ABL1: variants seen among roughly 807,000 people sequenced by gnomAD.
The protein encoded by ABL1 is ABL proto-oncogene 1, non-receptor tyrosine kinase.
Under a neutral mutation model 94.7 loss-of-function variants are expected in ABL1, and 11 were observed. That is an observed-to-expected ratio of 0.12 (90% CI 0.07 to 0.19). ABL1 has a LOEUF of 0.19. Ranked by LOEUF, ABL1 falls within the 10% of genes least tolerant of loss-of-function variation. ABL1 has a pLI of 1.00. For synonymous variants in ABL1, 656 were observed against 622.4 expected (o/e 1.05, Z -0.80); for missense variants, 1,082 against 1,489.4 (o/e 0.73, Z 4.50).
chr9:130,851,745 T>G (rs1302106272), intron 1 of ABL1, among the ~76,000 whole-genome samples: 1 of 150,980 alleles, frequency 6.6e-6, no homozygotes, highest in Non-Finnish European at 1.5e-5. Flanking sequence ...TCTTTTCAAA[T>G]TAGAATTTTC....
chr9:130,852,657 C>A (rs1160788300), intron 1 of ABL1, among the ~76,000 whole-genome samples: 15 of 152,014 alleles, frequency 9.9e-5, no homozygotes, highest in Admixed American at 9.8e-4. Flanking sequence ...CAAAGAAATT[C>A]TGGAGCGTTT....
chr9:130,802,473 T>C lies in ABL1; in HGVS notation c.137-51591T>C, dbSNP rs1454340403. Reference sequence around the variant, plus strand: ...GAAATGCACATACTGTCCTTTTCTTTGTCCATTCAGCTGAGTATATCCAGT... The same window carrying C: ...GAAATGCACATACTGTCCTTTTCTTCGTCCATTCAGCTGAGTATATCCAGT... On this transcript the variant is annotated intron_variant, in intron 1 of 10. Coordinates refer to the ABL1 transcript ENST00000372348. Among the ~76,000 whole-genome samples, 3 of 152,232 alleles carry C rather than the reference T, an allele frequency of 2.0e-5. No homozygotes were observed. In the East Asian group the frequency reaches 5.8e-4, roughly 29 times the overall value.
At chr9:130,870,747 T>C (rs1831238701) in intron 4 of ABL1, among the ~76,000 whole-genome samples, 1 of 152,182 alleles carries the variant, frequency 6.6e-6, no homozygotes, top group Admixed American at 6.5e-5. Flanking sequence ...TAATTGACAT[T>C]AAGAGCAGCT....
At chr9:130,787,884 G>C (rs539043683) in intron 1 of ABL1, among the ~76,000 whole-genome samples, 1 of 152,290 alleles carries the variant, frequency 6.6e-6, no homozygotes, top group South Asian at 2.1e-4. Flanking sequence ...GGAGGGATTT[G>C]TCACTGATTA....
At position 130,793,181 on chromosome 9, in the gene ABL1, C is replaced by A. The variant is rs569161436; in HGVS notation, c.137-60883C>A. On this transcript the variant is annotated intron_variant, in intron 1 of 10. Coordinates refer to the ABL1 transcript ENST00000372348. The stretch of plus-strand genomic sequence containing the variant: ...CCTCAGGTGATCTGCCCGCCTCAGT[C>A]TCCCAAAGTGCTGGGATTATAGGCA... 4.6e-4 allele frequency among the ~76,000 whole-genome samples: 70 copies of A among 152,332 alleles called. 1 individual carries two copies. Among genetic ancestry groups the A allele is most frequent in the African/African-American group, 1.6e-3 (67 of 41,566 alleles).
chr9:130,854,600 A>G (rs548654977), intron 2 of ABL1, among the ~76,000 whole-genome samples: 36 of 152,338 alleles, frequency 2.4e-4, no homozygotes, highest in African/African-American at 8.4e-4. Context: ...ACACTTACCT[A>G]TCTGTTCAGT....
At position 130,780,950 on chromosome 9, in the gene ABL1, T is replaced by A. The variant is rs182045111; in HGVS notation, c.136+66495T>A. ...AGTGTTCCCATCTCCTGCCTGGTTC[T>A]AGCGACTCTGCAAATGGGTGCCTGA... On this transcript the variant is annotated intron_variant, in intron 1 of 10. Coordinates refer to the ABL1 transcript ENST00000372348. 4.0e-4 allele frequency among the ~76,000 whole-genome samples: 61 copies of A among 152,354 alleles called. No individual in the cohort carries two copies. In the East Asian group the frequency reaches 9.1e-3, roughly 23 times the overall value.
chr9:130,753,842 T>TA, intron 1 of ABL1, among the ~76,000 whole-genome samples: 1 of 152,146 alleles, frequency 6.6e-6, no homozygotes, highest in Non-Finnish European at 1.5e-5. Context: ...GAATAATGAG[T>TA]AAAGAAACTG....
rs2133022420 is a variant in ABL1 at position 130,880,104 on chromosome 9, C to T, written c.1460C>T (p.Ala487Val). The T allele has an allele frequency of 6.2e-7, 1 of 1,614,204 alleles. No individual in the cohort carries two copies. The highest frequency in any genetic ancestry group is 8.5e-7 in the Non-Finnish European group (1 of 1,180,038). ...QWNPSDRPSFAEIHQAFETMF... is the reference protein window; with the variant it reads ...QWNPSDRPSFVEIHQAFETMF... Reference sequence around the variant, plus strand: ...AATCCCTCTGACCGGCCCTCCTTTGCTGAAATCCACCAAGCCTTTGAAACA... The same window carrying T: ...AATCCCTCTGACCGGCCCTCCTTTGTTGAAATCCACCAAGCCTTTGAAACA... The change falls in exon 9 of 11, where the codon GCT (alanine) becomes GTT (valine). Residue 487 changes from alanine (A) to valine (V), a missense_variant. Physicochemically the swap from Ala to Val is moderately conservative, Grantham distance 64. Around this residue, in one of 7 missense-constraint regions of ABL1, gnomAD observed 76 missense variants for 177.1 expected, o/e 0.43. Coordinates refer to ENST00000318560, the MANE Select transcript of ABL1 (RefSeq NM_005157.6). This position sits in a 1 kb window ranked among gnomAD's most constrained non-coding sequence, Gnocchi z 4.4.
chr9:130,812,797 A>G (rs969613227), intron 1 of ABL1, among the ~76,000 whole-genome samples: 3 of 152,248 alleles, frequency 2.0e-5, no homozygotes, highest in African/African-American at 7.2e-5. Flanking sequence ...TGGACAATAT[A>G]ATCAACTGAC....
At chr9:130,785,803 A>G (rs34182341) in intron 1 of ABL1, among the ~76,000 whole-genome samples, 1 of 151,774 alleles carries the variant, frequency 6.6e-6, no homozygotes, top group East Asian at 1.9e-4. Flanking sequence ...CATGCCTGTA[A>G]TCCCACCTAC....
At chr9:130,721,575 T>C (rs1192652923) in intron 1 of ABL1, among the ~76,000 whole-genome samples, 4 of 152,030 alleles carry the variant, frequency 2.6e-5, no homozygotes, top group Non-Finnish European at 5.9e-5. Flanking sequence ...CTGGGCGTGG[T>C]GGTACACGCC....
chr9:130,811,007 T>C (rs112409443), intron 1 of ABL1, among the ~76,000 whole-genome samples: 2 of 152,196 alleles, frequency 1.3e-5, no homozygotes, highest in African/African-American at 4.8e-5. Context: ...AACAATACAT[T>C]TAAAGCAAAG....
At chr9:130,831,539 T>C (rs1002842632), upstream of ABL1, among the ~76,000 whole-genome samples, 5 of 152,208 alleles carry the variant, frequency 3.3e-5, no homozygotes, top group Non-Finnish European at 7.3e-5. Context: ...TTTAGAAATA[T>C]CCATTCCTGT....
chr9:130,764,935 G>GTT (rs1832161619), intron 1 of ABL1, among the ~76,000 whole-genome samples: 1 of 149,654 alleles, frequency 6.7e-6, no homozygotes, highest in Admixed American at 6.6e-5. Context: ...CAGTCTGGGT[G>GTT]ACAGAGCAAG....
intron 1 of ABL1, among the ~76,000 whole-genome samples, chr9:130,747,395 A>G (rs937528822): frequency 6.6e-6 from 1 of 151,954 alleles, no homozygotes; most frequent in African/African-American, 2.4e-5. Flanking sequence ...AAACAAAATC[A>G]AGTCTCCCTC....
At chr9:130,775,861 C>G (rs151256266) in intron 1 of ABL1, among the ~76,000 whole-genome samples, 119 of 152,152 alleles carry the variant, frequency 7.8e-4, no homozygotes, top group African/African-American at 2.7e-3. Flanking sequence ...CTATTAAACT[C>G]AAAGGAGACT....
chr9:130,855,523 C>T (rs774502203), intron 3 of ABL1, among the ~76,000 whole-genome samples: 6 of 152,164 alleles, frequency 3.9e-5, no homozygotes, highest in Admixed American at 1.3e-4. Flanking sequence ...ACGCCTGGCA[C>T]GTGGGCTTCT....
chr9:130,761,692 A>T (rs1832117238), intron 1 of ABL1, among the ~76,000 whole-genome samples: 1 of 152,246 alleles, frequency 6.6e-6, no homozygotes, highest in Admixed American at 6.5e-5. Context: ...ACTTCTCTGA[A>T]GTAATTTGAA....
Sources: gnomAD v4.1 joint callset for allele counts (sites outside exome capture counted in the v4.1 genomes callset) on GRCh38, gnomAD v4.1.1 for gene constraint, gnomAD v4.1.1 regional missense constraint, Gnocchi (gnomAD v3.1) non-coding constraint, MANE v1.5 for transcripts, NCBI Gene and HGNC (gene_info 2026-07-23, HGNC 2026-07-21) for gene names.